DSCAML1: variants seen among roughly 807,000 people sequenced by gnomAD.
The protein encoded by DSCAML1 is cell adhesion molecule DSCAML1.
A neutral mutation model predicts 200.5 loss-of-function variants in DSCAML1; 38 were observed. The ratio of observed to expected loss-of-function variants is 0.19; its 90% CI spans 0.15 to 0.25. DSCAML1 has a LOEUF of 0.25. Among genes scored for constraint, DSCAML1 ranks in the 10% least tolerant of loss-of-function variants. The pLI, the probability that DSCAML1 is intolerant of heterozygous loss-of-function variation, is 1.00. For missense variants in DSCAML1, 2,223 were observed against 2,858.8 expected (o/e 0.78, Z 5.07); for synonymous variants, 1,215 against 1,165.0 (o/e 1.04, Z -0.87).
chr11:117,663,081 C>T (rs1023893311), intron 3 of DSCAML1, among the ~76,000 whole-genome samples: 2 of 152,164 alleles, frequency 1.3e-5, no homozygotes, highest in Non-Finnish European at 2.9e-5. Context: ...CCCCAGGCAA[C>T]GCTGAGGCCC....
intron 3 of DSCAML1, among the ~76,000 whole-genome samples, chr11:117,696,850 A>G (rs1290370054): frequency 1.3e-5 from 2 of 152,190 alleles, no homozygotes; most frequent in African/African-American, 4.8e-5. Context: ...TCCCTGCCCA[A>G]CACCTTGGAA....
intron 3 of DSCAML1, among the ~76,000 whole-genome samples, chr11:117,643,088 T>C (rs750767969): frequency 6.6e-6 from 1 of 152,236 alleles, no homozygotes; most frequent in African/African-American, 2.4e-5. Context: ...CTACCTTGTG[T>C]TCTCTTTATG....
rs547747071 is a variant in DSCAML1, at chr11:117,525,319, G to A, written c.659-236C>T. 2.6e-5 allele frequency among the ~76,000 whole-genome samples: 4 copies of A among 152,350 alleles called. No homozygotes were observed. The East Asian group carries it at 5.8e-4, about 22-fold the overall frequency. ...GGATTCCCAGCAGGGGCTGGGAGGAGGAGAGGATATGATGGAGTTCGGGAC... is the reference window on the plus strand; with the variant it reads ...GGATTCCCAGCAGGGGCTGGGAGGAAGAGAGGATATGATGGAGTTCGGGAC... On this transcript the variant is annotated intron_variant, in intron 4 of 32. Coordinates refer to ENST00000651296, the MANE Select transcript of DSCAML1 (RefSeq NM_020693.4).
chr11:117,432,169 C>T (rs1176362432), intron 30 of DSCAML1, among the ~76,000 whole-genome samples, 183 bp downstream of exon 30: 1 of 152,134 alleles, frequency 6.6e-6, no homozygotes, highest in Non-Finnish European at 1.5e-5. Context: ...GTGATACGCC[C>T]AAGGTCACAG....
At chr11:117,451,125 A>G (rs1347425760) in intron 19 of DSCAML1, among the ~76,000 whole-genome samples, 1 of 151,768 alleles carries the variant, frequency 6.6e-6, no homozygotes, top group African/African-American at 2.4e-5. Flanking sequence ...TGGGACCACA[A>G]CCTGTTTTCT....
chr11:117,441,059 G>A (rs939853074), intron 21 of DSCAML1, among the ~76,000 whole-genome samples: 16 of 152,144 alleles, frequency 1.1e-4, no homozygotes, highest in Non-Finnish European at 2.9e-5. Context: ...CCAGAATGCA[G>A]GCTGGAGGTG....
intron 3 of DSCAML1, among the ~76,000 whole-genome samples, chr11:117,536,453 G>C (rs964377634): frequency 3.9e-5 from 6 of 152,214 alleles, no homozygotes; most frequent in Admixed American, 2.0e-4. Flanking sequence ...GGTCCCACGG[G>C]AGAAGGAAAA....
chr11:117,777,060 C>A, intron 2 of DSCAML1, 123 bp from the exon 3 acceptor site: 3 of 1,045,686 alleles, frequency 2.9e-6, no homozygotes, highest in Non-Finnish European at 4.2e-6. Flanking sequence ...CCCACTTCTT[C>A]CTTCCCCCAT....
intron 1 of DSCAML1, among the ~76,000 whole-genome samples, chr11:117,794,998 T>A (rs2055544075): frequency 6.6e-6 from 1 of 152,168 alleles, no homozygotes; most frequent in African/African-American, 2.4e-5. Context: ...AACTTCCATC[T>A]CGAGTTGGAC....
In DSCAML1 at chr11:117,503,768, A is replaced by G. The variant is rs934798302; in HGVS notation, c.2359+77T>C. The G allele has an allele frequency of 3.4e-6, 5 of 1,465,288 alleles. No individual in the cohort carries two copies. Among genetic ancestry groups the G allele is most frequent in the Non-Finnish European group, 4.6e-6 (5 of 1,080,536 alleles). The allele number at this position is 1,465,288 out of a possible 1,614,324, so 90.8% of individuals were successfully genotyped here. A position where few individuals can be genotyped will look rare whatever the true frequency, so the allele number is the denominator to read the frequency against. On this transcript the variant is annotated intron_variant, in intron 11 of 32. Coordinates refer to ENST00000651296, the MANE Select transcript of DSCAML1 (RefSeq NM_020693.4). This position sits in a 1 kb window ranked among gnomAD's most constrained non-coding sequence, Gnocchi z 5.2. ...TAGATGAAACGACGGAGACTAAGAG[A>G]GTAGGCAGGGAGAGTGCAGAGCCGG...
chr11:117,755,777 C>T (rs1591476119), intron 3 of DSCAML1, among the ~76,000 whole-genome samples: 1 of 152,230 alleles, frequency 6.6e-6, no homozygotes, highest in East Asian at 1.9e-4. Flanking sequence ...GGGCTGACAC[C>T]ATGGAAACAA....
intron 3 of DSCAML1, among the ~76,000 whole-genome samples, chr11:117,744,737 G>T (rs2054485157): frequency 6.6e-6 from 1 of 152,222 alleles, no homozygotes; most frequent in South Asian, 2.1e-4. Context: ...GGCAGGAAGG[G>T]GACTCTCCAT....
At chr11:117,767,381 G>A (rs2134028331) in intron 3 of DSCAML1, among the ~76,000 whole-genome samples, 1 of 152,308 alleles carries the variant, frequency 6.6e-6, no homozygotes, top group South Asian at 2.1e-4. Context: ...TCACGGACGA[G>A]CTCAATAACT....
upstream of DSCAML1, chr11:117,797,222 G>A (rs1237818295): frequency 2.7e-6 from 4 of 1,485,404 alleles, no homozygotes; most frequent in Non-Finnish European, 2.7e-6. Context: ...CGGCTGCGGC[G>A]GCGGCTCCTC....
intron 11 of DSCAML1, among the ~76,000 whole-genome samples, chr11:117,491,020 C>T (rs555289605): frequency 2.6e-5 from 4 of 152,310 alleles, no homozygotes; most frequent in African/African-American, 9.6e-5. Flanking sequence ...GCTGGTGTTT[C>T]TGACAAGTCC....
chr11:117,438,318 C>T (rs896993401), intron 24 of DSCAML1, among the ~76,000 whole-genome samples: 5 of 125,308 alleles, frequency 4.0e-5, no homozygotes, highest in African/African-American at 6.9e-5. Context: ...GTCCAGCCCC[C>T]GGCGGGTCTG....
intron 1 of DSCAML1, among the ~76,000 whole-genome samples, chr11:117,794,751 G>T (rs537607726): frequency 6.6e-6 from 1 of 151,572 alleles, no homozygotes; most frequent in East Asian, 2.0e-4. Flanking sequence ...AGCCGCCTCT[G>T]CCACCCCCTA....
At chr11:117,632,164 T>C (rs2052187736) in intron 3 of DSCAML1, among the ~76,000 whole-genome samples, 1 of 152,182 alleles carries the variant, frequency 6.6e-6, no homozygotes, top group African/African-American at 2.4e-5. Context: ...CTATTAGAGT[T>C]AGGAGAGACA....
At chr11:117,541,002 C>T (rs59099254) in intron 3 of DSCAML1, among the ~76,000 whole-genome samples, 2 of 152,062 alleles carry the variant, frequency 1.3e-5, no homozygotes, top group Non-Finnish European at 2.9e-5. Context: ...CCTTAAGAAC[C>T]TTTCTCCCCC....
Sources: gnomAD v4.1 joint callset for allele counts (sites outside exome capture counted in the v4.1 genomes callset) on GRCh38, gnomAD v4.1.1 for gene constraint, Gnocchi (gnomAD v3.1) non-coding constraint, MANE v1.5 for transcripts, NCBI Gene and HGNC (gene_info 2026-07-23, HGNC 2026-07-21) for gene names.